The following PRC1 variants were observed in gnomAD, a reference collection of about 807,000 sequenced individuals.
The protein encoded by PRC1 is anaphase spindle elongation 1 homolog.
A neutral mutation model predicts 91.2 loss-of-function variants in PRC1; 54 were observed. That is an observed-to-expected ratio of 0.59 (90% confidence interval 0.48 to 0.74). The LOEUF is 0.74. Ranked by LOEUF, PRC1 falls within the 30% of genes least tolerant of loss-of-function variation. The pLI, the probability that PRC1 is intolerant of heterozygous loss-of-function variation, is 0.00. For missense variants in PRC1, 727 were observed against 746.2 expected (o/e 0.97, Z 0.30); for synonymous variants, 275 against 263.6 (o/e 1.04, Z -0.42).
chr15:90,980,882 AC>A lies in PRC1; in HGVS notation c.822+1del. On this transcript the variant is annotated splice_donor_variant, in intron 6 of 14. Coordinates refer to ENST00000394249, the MANE Select transcript of PRC1 (RefSeq NM_003981.4). LOFTEE classifies it high-confidence loss of function. ...TGACCCAGTACCCACTGGGTTTCTT[AC>A]CGCTTTCCGGACCTTGGCCTTTGAC... is the stretch of plus-strand genomic sequence containing the variant. 2 of 1,614,080 alleles carry A rather than the reference AC, an allele frequency of 1.2e-6. No homozygotes were observed. Among genetic ancestry groups the A allele is most frequent in the Non-Finnish European group, 1.7e-6 (2 of 1,180,026 alleles).
intron 8 of PRC1, among the ~76,000 whole-genome samples, chr15:90,977,666 C>T (rs556672785): frequency 2.7e-5 from 4 of 146,506 alleles, no homozygotes; most frequent in Admixed American, 1.4e-4. Flanking sequence ...TCACTGCAAG[C>T]TCTGCCTCCC....
rs2040155401 is a variant in PRC1, at chr15:90,994,169, A to AGCCTGCGGGC, written c.11+228_11+237dup. ...CGCTCGGCTCCCACCCGGGCGTCTG[A>AGCCTGCGGGC]GCCTGCGGGCACCTGCGGCCGCCGG... is the stretch of plus-strand genomic sequence containing the variant. On this transcript the variant is annotated intron_variant, in intron 1 of 14. Coordinates refer to ENST00000394249, the MANE Select transcript of PRC1 (RefSeq NM_003981.4). Among the ~76,000 whole-genome samples the AGCCTGCGGGC allele has an allele frequency of 2.0e-5, 3 of 151,946 alleles. No individual in the cohort carries two copies. The South Asian group carries it at 6.2e-4, about 31-fold the overall frequency.
chr15:90,974,601 C>T lies in PRC1; in HGVS notation c.1334G>A (p.Arg445Lys), dbSNP rs2038506789. The change falls in exon 10 of 15, where the codon AGA becomes AAA. Residue 445 changes from arginine (R) to lysine (K), a missense_variant. Transcript: ENST00000394249. This position sits in a 1 kb window ranked among gnomAD's most constrained non-coding sequence, Gnocchi z 4.6. ...QWEMHRLEKE[R>K]AKQERQLKNK... is the part of the protein sequence containing the mutation. ...CACACTTACTCTTTCCTGCTTGGCT[C>T]TCTCTTTCTCCAATCGATGCATCTC... 6.2e-7 allele frequency: 1 copy of T among 1,614,202 alleles called. No individual in the cohort carries two copies. The highest frequency in any genetic ancestry group is 8.5e-7 in the Non-Finnish European group (1 of 1,180,034).
At chr15:90,975,809 C>T (rs569190278) in intron 9 of PRC1, among the ~76,000 whole-genome samples, 1 of 152,172 alleles carries the variant, frequency 6.6e-6, no homozygotes, top group South Asian at 2.1e-4. Context: ...CACAGCGAGA[C>T]CCCATCTCTT....
intron 14 of PRC1, chr15:90,967,984 T>A (rs1283738267): frequency 4.1e-6 from 4 of 985,132 alleles, no homozygotes; most frequent in Non-Finnish European, 4.8e-6. Context: ...TTTGATCTCA[T>A]GCTGGAGCAC....
intron 1 of PRC1, among the ~76,000 whole-genome samples, chr15:90,993,939 CAAAGA>C (rs2040134986): frequency 2.6e-5 from 4 of 152,092 alleles, no homozygotes; most frequent in Non-Finnish European, 4.4e-5. Flanking sequence ...AAGAATAAAA[CAAAGA>C]AAAACAACGA....
Position 90,988,314 on chromosome 15 carries a change from C to G in PRC1, c.12-3489G>C, listed in dbSNP as rs191640730. On this transcript the variant is annotated intron_variant, in intron 1 of 14. Transcript: ENST00000394249. ...CTTCCAGACAGGCCAGCCAGGGGCA[C>G]TGCTCTGAAGGTCATTACTTAAGTA... 1.6e-4 allele frequency: 24 copies of G among 152,178 alleles called. 1 individual carries two copies. The highest frequency in any genetic ancestry group is 5.1e-4 in the African/African-American group (21 of 41,436). The allele number at this position is 152,178 out of a possible 1,614,324, so 9.4% of individuals were successfully genotyped here.
chr15:90,985,174 G>A (rs573961338), intron 1 of PRC1, among the ~76,000 whole-genome samples: 2 of 151,804 alleles, frequency 1.3e-5, no homozygotes, highest in South Asian at 2.1e-4. Flanking sequence ...ACTTGCTGGT[G>A]AGAAACTCCT....
At chr15:90,967,445 T>TA (rs1204139506) in intron 14 of PRC1, 2 of 538,580 alleles carry the variant, frequency 3.7e-6, no homozygotes, top group South Asian at 4.2e-5. Flanking sequence ...TCCATTCTGT[T>TA]ACACCTCACA....
Position 90,984,948 on chromosome 15 carries a change from C to G in PRC1, c.12-123G>C. On this transcript the variant is annotated intron_variant, in intron 1 of 14. Coordinates refer to ENST00000394249, the MANE Select transcript of PRC1 (RefSeq NM_003981.4). The surrounding 1 kb of genome is among the most constrained non-coding windows in gnomAD (Gnocchi z 5.1). ...CCTCGAGAAAAAAACAAATTGAAAA[C>G]AAGCATTCAGCTTAATTCACCTTTA... is the stretch of plus-strand genomic sequence containing the variant. 1 of 1,252,084 alleles carries G rather than the reference C, an allele frequency of 8.0e-7. No individual in the cohort carries two copies. The highest frequency in any genetic ancestry group is 1.5e-5 in the South Asian group (1 of 68,026). The allele number at this position is 1,252,084 out of a possible 1,614,324, so 77.6% of individuals were successfully genotyped here.
At chr15:90,993,864 C>G (rs1008188757) in intron 1 of PRC1, among the ~76,000 whole-genome samples, 1 of 152,208 alleles carries the variant, frequency 6.6e-6, no homozygotes, top group Non-Finnish European at 1.5e-5. Context: ...GGCAGGATTA[C>G]TTGAAGCCAG....
rs982331730 is a variant in PRC1 at position 90,974,498 on chromosome 15, C to T, written c.1350+87G>A. On this transcript the variant is annotated intron_variant, in intron 10 of 14. Transcript: ENST00000394249. The surrounding 1 kb of genome is among the most constrained non-coding windows in gnomAD (Gnocchi z 4.6). Reference sequence around the variant, plus strand: ...AGCCCCGGTCCCCGGCTCCCTGTTCCACAAACCCTGGTCCCCGGCAGAGAC... The same window carrying T: ...AGCCCCGGTCCCCGGCTCCCTGTTCTACAAACCCTGGTCCCCGGCAGAGAC... The T allele has an allele frequency of 6.4e-7, 1 of 1,568,486 alleles. No individual in the cohort carries two copies. The highest frequency in any genetic ancestry group is 2.2e-5 in the East Asian group (1 of 44,456).
rs1414682432 is a variant in PRC1, at chr15:90,994,314, ACCCCGCACGGGT to A, written c.11+81_11+92del. On this transcript the variant is annotated intron_variant, in intron 1 of 14. Coordinates refer to ENST00000394249, the MANE Select transcript of PRC1 (RefSeq NM_003981.4). Reference sequence around the variant, plus strand: ...ACTGCCGTGACGATCTAGGCCCGGGACCCCGCACGGGTCCCGCACCCCTGAACAGGCCCCGCA... The same window carrying A: ...ACTGCCGTGACGATCTAGGCCCGGGACCCGCACCCCTGAACAGGCCCCGCA... 507 of 1,585,420 alleles carry A rather than the reference ACCCCGCACGGGT, an allele frequency of 3.2e-4. 1 individual carries two copies. The highest frequency in any genetic ancestry group is 4.4e-5 in the Non-Finnish European group (51 of 1,163,562).
chr15:90,984,123 C>A lies in PRC1; in HGVS notation c.162G>T (p.Met54Ile). 1 of 1,614,158 alleles carries A rather than the reference C, an allele frequency of 6.2e-7. No individual in the cohort carries two copies. The highest frequency in any genetic ancestry group is 8.5e-7 in the Non-Finnish European group (1 of 1,180,026). Reference sequence around the variant, plus strand: ...CCTTCAGGCTTTCCTCTTCAGCAATCATCATATCCAGGAGTTCCTACAAGA... The same window carrying A: ...CCTTCAGGCTTTCCTCTTCAGCAATAATCATATCCAGGAGTTCCTACAAGA... ...KKHIKELLDM[M>I]IAEEESLKER... Residue 54 changes from methionine to isoleucine, a missense_variant, in exon 3 of 15, where the codon ATG becomes ATT. Met to Ile is a conservative substitution (Grantham distance 10). Transcript: ENST00000394249. This position sits in a 1 kb window ranked among gnomAD's most constrained non-coding sequence, Gnocchi z 5.1.
rs2037482350 is a variant in PRC1, at chr15:90,966,296, G to A, written c.*835C>T. 8.4e-6 allele frequency: 2 copies of A among 237,520 alleles called. No individual in the cohort carries two copies. Among genetic ancestry groups the A allele is most frequent in the South Asian group, 9.3e-5 (2 of 21,418 alleles). The allele number at this position is 237,520 out of a possible 1,614,324, so 14.7% of individuals were successfully genotyped here. A position where few individuals can be genotyped will look rare whatever the true frequency, so the allele number is the denominator to read the frequency against. ...GCGCCTCATCGTGGAAGCTAGAGCA[G>A]GAACACCTCCCCAGTAGTGACATGT... is the stretch of plus-strand genomic sequence containing the variant. On this transcript the variant is annotated 3_prime_UTR_variant, in exon 15 of 15. Coordinates refer to ENST00000394249, the MANE Select transcript of PRC1 (RefSeq NM_003981.4).
intron 9 of PRC1, among the ~76,000 whole-genome samples, chr15:90,976,089 T>C (rs2038666017): frequency 6.6e-6 from 1 of 152,096 alleles, no homozygotes; most frequent in African/African-American, 2.4e-5. Context: ...TTTTGTTTTT[T>C]TGTTTGTTTT....
At position 90,984,162 on chromosome 15, in the gene PRC1, A is replaced by AT. The variant is rs2039411870; in HGVS notation, c.145-23dup. On this transcript the variant is annotated intron_variant, in intron 2 of 14. Transcript: ENST00000394249. This position sits in a 1 kb window ranked among gnomAD's most constrained non-coding sequence, Gnocchi z 5.1. Reference sequence around the variant, plus strand: ...GTTCCTACAAGAGGGAAAACAGTCCATAAGTTTGGGGCAATGGAGGAAAAA... The same window carrying AT: ...GTTCCTACAAGAGGGAAAACAGTCCATTAAGTTTGGGGCAATGGAGGAAAAA... 3.7e-5 allele frequency: 59 copies of AT among 1,613,346 alleles called. No homozygotes were observed. The highest frequency in any genetic ancestry group is 4.8e-5 in the Non-Finnish European group (57 of 1,179,540).
At position 90,974,416 on chromosome 15, in the gene PRC1, G is replaced by T. The variant is rs942965408; in HGVS notation, c.1350+169C>A. On this transcript the variant is annotated intron_variant, in intron 10 of 14. Coordinates refer to ENST00000394249, the MANE Select transcript of PRC1 (RefSeq NM_003981.4). This position sits in a 1 kb window ranked among gnomAD's most constrained non-coding sequence, Gnocchi z 4.6. ...CGGTCCCCGGCTCCCCGTTCCACAAGCCCCGGTCCCCGGCTCCCCGTTCCA... is the reference window on the plus strand; with the variant it reads ...CGGTCCCCGGCTCCCCGTTCCACAATCCCCGGTCCCCGGCTCCCCGTTCCA... Among the ~76,000 whole-genome samples, 9 of 151,074 alleles carry T rather than the reference G, an allele frequency of 6.0e-5. No homozygotes were observed. In the South Asian group the frequency reaches 1.9e-3, roughly 32 times the overall value.
At chr15:90,973,502 C>A (rs2038365052) in intron 11 of PRC1, among the ~76,000 whole-genome samples, 1 of 152,112 alleles carries the variant, frequency 6.6e-6, no homozygotes, top group Non-Finnish European at 1.5e-5. Context: ...ACCTGACCAT[C>A]CCCCAGCCCG....
Sources: gnomAD v4.1 joint callset for allele counts (sites outside exome capture counted in the v4.1 genomes callset) on GRCh38, gnomAD v4.1.1 for gene constraint, Gnocchi (gnomAD v3.1) non-coding constraint, MANE v1.5 for transcripts, NCBI Gene and HGNC (gene_info 2026-07-23, HGNC 2026-07-21) for gene names.